Variants in ATCAY observed in about 807,000 individuals in gnomAD.
ATCAY encodes ATCAY kinesin light chain interacting caytaxin, also known as caytaxin.
ATCAY carries 22 observed loss-of-function variants against 47.7 expected under a neutral mutation model. That is an observed-to-expected ratio of 0.46 (90% CI 0.33 to 0.66). ATCAY has a LOEUF of 0.66. Ranked by LOEUF, ATCAY falls within the 30% of genes least tolerant of loss-of-function variation. ATCAY has a pLI of 0.02. For missense variants in ATCAY, 452 were observed against 515.0 expected, an observed-to-expected ratio of 0.88 and a Z score of 1.18; for synonymous variants, 216 against 207.6, an observed-to-expected ratio of 1.04 and a Z score of -0.35.
At chr19:3,892,199 T>G (rs1475806498) in intron 2 of ATCAY, among the ~76,000 whole-genome samples, 2 of 151,216 alleles carry the variant, frequency 1.3e-5, no homozygotes, top group Non-Finnish European at 2.9e-5. Flanking sequence ...TGCTTGTAAC[T>G]TTTTAATTTT....
chr19:3,907,680 G>C lies in ATCAY; in HGVS notation c.359-54G>C. 2 of 1,601,256 alleles carry C rather than the reference G, an allele frequency of 1.2e-6. No homozygotes were observed. Among genetic ancestry groups the C allele is most frequent in the Non-Finnish European group, 1.7e-6 (2 of 1,171,928 alleles). On this transcript the variant is annotated intron_variant, in intron 4 of 12. Transcript: ENST00000450849. The surrounding 1 kb of genome is among the most constrained non-coding windows in gnomAD (Gnocchi z 5.1). ...AGGGGAAGGAAGGCTGAGCAGGAGG[G>C]CAGGAGATATCCGGACTCTGGCGTC...
intron 2 of ATCAY, among the ~76,000 whole-genome samples, chr19:3,892,499 C>T (rs2038727097): frequency 6.6e-6 from 1 of 152,152 alleles, no homozygotes; most frequent in Non-Finnish European, 1.5e-5. Context: ...CTGCGCCTGG[C>T]CTATTTGATA....
Position 3,885,860 on chromosome 19 carries a change from C to T in ATCAY, c.77+16C>T. ...ATCTTCCCAGGTAGGACTTCCACAT[C>T]CCTGAGTCAACCGTTGGGGGAGCAG... On this transcript the variant is annotated intron_variant, in intron 2 of 12. Transcript: ENST00000450849. 2 of 1,550,830 alleles carry T rather than the reference C, an allele frequency of 1.3e-6. No individual in the cohort carries two copies. Among genetic ancestry groups the T allele is most frequent in the Non-Finnish European group, 1.7e-6 (2 of 1,146,954 alleles).
chr19:3,903,246 T>C (rs566502916), intron 3 of ATCAY, among the ~76,000 whole-genome samples: 76 of 151,474 alleles, frequency 5.0e-4, no homozygotes, highest in Admixed American at 1.2e-3. Context: ...AGTGCTGGGA[T>C]TACGGGCGTG....
At chr19:3,920,842 C>T (rs758960692) in intron 12 of ATCAY, 44 bp downstream of exon 12, 1 of 1,607,444 alleles carries the variant, frequency 6.2e-7, no homozygotes, top group Admixed American at 1.7e-5. Flanking sequence ...TTCAAAATGT[C>T]CTTCATGGAC....
chr19:3,913,531 G>A (rs147296688), intron 8 of ATCAY, among the ~76,000 whole-genome samples: 1 of 152,226 alleles, frequency 6.6e-6, no homozygotes, highest in African/African-American at 2.4e-5. Flanking sequence ...CAGGTGCATG[G>A]CCCTGCTTGC....
chr19:3,913,532 C>T (rs946821660), intron 8 of ATCAY, among the ~76,000 whole-genome samples: 1 of 152,154 alleles, frequency 6.6e-6, no homozygotes. Context: ...AGGTGCATGG[C>T]CCTGCTTGCA....
chr19:3,881,381 C>A (rs1599271164), intron 1 of ATCAY, among the ~76,000 whole-genome samples: 1 of 82,000 alleles, frequency 1.2e-5, no homozygotes, highest in Admixed American at 1.8e-4. Context: ...CCGACGATTT[C>A]GGGAAAAAAA....
intron 2 of ATCAY, among the ~76,000 whole-genome samples, chr19:3,889,573 A>T (rs2038695100): frequency 6.6e-6 from 1 of 152,176 alleles, no homozygotes; most frequent in Non-Finnish European, 1.5e-5. Context: ...CAGCCTGGAC[A>T]ACAGAGCAAG....
chr19:3,881,570 T>C (rs915921790), intron 1 of ATCAY, among the ~76,000 whole-genome samples: 3 of 151,886 alleles, frequency 2.0e-5, no homozygotes, highest in Non-Finnish European at 2.9e-5. Flanking sequence ...GTCACTGTCT[T>C]CTTTTGGCCG....
chr19:3,887,809 G>C (rs2038675824), intron 2 of ATCAY, among the ~76,000 whole-genome samples: 1 of 140,876 alleles, frequency 7.1e-6, no homozygotes, highest in Non-Finnish European at 1.5e-5. Context: ...TAAAAAGAGA[G>C]GAAAAAAAAA....
Position 3,910,821 on chromosome 19 carries a change from G to C in ATCAY, c.798G>C (p.Lys266Asn). Reference protein sequence around the residue: ...MIDRRLRKNLKSLIIVHPSWF... With the variant: ...MIDRRLRKNLNSLIIVHPSWF... ...CACACAGGTTGCGGAAAAACCTGAA[G>C]TCCTTGATCATCGTCCACCCCTCGT... The change falls in exon 8 of 13, where the codon AAG (lysine) becomes AAC (asparagine). Residue 266 changes from lysine to asparagine, a missense_variant. Coordinates refer to ENST00000450849, the MANE Select transcript of ATCAY (RefSeq NM_033064.5). The C allele has an allele frequency of 6.2e-7, 1 of 1,614,022 alleles. No homozygotes were observed. The highest frequency in any genetic ancestry group is 1.1e-5 in the South Asian group (1 of 91,086).
chr19:3,917,610 A>AAAAAAG (rs368009492), intron 9 of ATCAY, 132 bp from the exon 10 acceptor site: 7 of 502,038 alleles, frequency 1.4e-5, no homozygotes, highest in Admixed American at 7.9e-5. Context: ...AAAAAAAAAA[A>AAAAAAG]GGAAGAAGAA....
intron 2 of ATCAY, among the ~76,000 whole-genome samples, chr19:3,888,040 G>A (rs1050071505): frequency 4.6e-5 from 7 of 151,682 alleles, no homozygotes; most frequent in East Asian, 2.0e-4. Flanking sequence ...ACTTGAACCC[G>A]GGAGGCAGAG....
chr19:3,902,918 C>A (rs1188280087), intron 3 of ATCAY, among the ~76,000 whole-genome samples: 1 of 152,166 alleles, frequency 6.6e-6, no homozygotes, highest in Non-Finnish European at 1.5e-5. Context: ...GGAGGCTCTG[C>A]TATCTGGAGC....
chr19:3,916,529 T>C (rs761698323), intron 9 of ATCAY, among the ~76,000 whole-genome samples: 25 of 152,212 alleles, frequency 1.6e-4, no homozygotes, highest in Admixed American at 3.9e-4. Flanking sequence ...AGTCTCACTC[T>C]GTCACCCAGG....
At chr19:3,903,705 T>G (rs1400746684) in intron 3 of ATCAY, among the ~76,000 whole-genome samples, 6 of 151,678 alleles carry the variant, frequency 4.0e-5, no homozygotes, top group Non-Finnish European at 8.8e-5. Flanking sequence ...TGTAGTTTTT[T>G]GTAGAGATGG....
intron 3 of ATCAY, among the ~76,000 whole-genome samples, chr19:3,903,982 C>CAAAAAAAAAAAAAAAAA (rs59631453): frequency 1.3e-5 from 1 of 79,044 alleles, no homozygotes; most frequent in Admixed American, 1.3e-4. Flanking sequence ...ACTAAAGATA[C>CAAAAAAAAAAAAAAAAA]AAAAAAAAAA....
intron 2 of ATCAY, among the ~76,000 whole-genome samples, chr19:3,897,488 T>C (rs1028598591): frequency 2.0e-5 from 3 of 150,962 alleles, no homozygotes; most frequent in African/African-American, 7.3e-5. Context: ...AGAGATGGAG[T>C]CTCGCTGTGT....
Sources: allele counts gnomAD v4.1 joint callset (sites outside exome capture counted in the v4.1 genomes callset), GRCh38; gene constraint gnomAD v4.1.1; non-coding constraint Gnocchi (gnomAD v3.1); transcripts MANE v1.5; gene names NCBI Gene and HGNC (gene_info 2026-07-23, HGNC 2026-07-21).